Variants in TRAPPC9 observed in about 807,000 individuals in gnomAD.
TRAPPC9 encodes the protein trafficking protein particle complex subunit 9, also known as IKK2 binding protein.
Under a neutral mutation model 124.0 loss-of-function variants are expected in TRAPPC9, and 83 were observed. The ratio of observed to expected loss-of-function variants is 0.67; its 90% confidence interval spans 0.56 to 0.80. TRAPPC9 has a LOEUF of 0.80. TRAPPC9 is among the 30% of genes least tolerant of loss of function. The pLI, the probability that TRAPPC9 is intolerant of heterozygous loss-of-function variation, is 0.00. For missense variants in TRAPPC9, 1,302 were observed against 1,508.3 expected (o/e 0.86, Z 2.27); for synonymous variants, 638 against 617.5 (o/e 1.03, Z -0.49).
At chr8:139,926,860 T>C (rs1832849850) in intron 19 of TRAPPC9, among the ~76,000 whole-genome samples, 1 of 152,068 alleles carries the variant, frequency 6.6e-6, no homozygotes, top group Non-Finnish European at 1.5e-5. Flanking sequence ...ATGTAAAACT[T>C]TTGATATTCA....
At chr8:140,430,935 C>T (rs937755227) in intron 4 of TRAPPC9, among the ~76,000 whole-genome samples, 7 of 152,132 alleles carry the variant, frequency 4.6e-5, no homozygotes, top group South Asian at 2.1e-4. Context: ...CCACCATGCC[C>T]GGCAGAGAAT....
At chr8:140,313,352 A>G (rs975044519) in intron 9 of TRAPPC9, among the ~76,000 whole-genome samples, 36 of 152,162 alleles carry the variant, frequency 2.4e-4, no homozygotes, top group African/African-American at 7.5e-4. Context: ...GTGGTGCCTC[A>G]TGCCACTTGC....
At chr8:139,748,273 G>A (rs1246992442) in intron 21 of TRAPPC9, among the ~76,000 whole-genome samples, 4 of 96,000 alleles carry the variant, frequency 4.2e-5, no homozygotes, top group African/African-American at 1.9e-4. Context: ...GGCATACAGG[G>A]GTCAGAGTGG....
chr8:139,773,239 C>T (rs1242527853), intron 21 of TRAPPC9, among the ~76,000 whole-genome samples: 2 of 152,232 alleles, frequency 1.3e-5, no homozygotes, highest in Admixed American at 6.5e-5. Context: ...TGTCCCTCCT[C>T]GTGCCGATGG....
At chr8:140,388,801 T>C (rs2068832770) in intron 7 of TRAPPC9, among the ~76,000 whole-genome samples, 1 of 138,496 alleles carries the variant, frequency 7.2e-6, no homozygotes, top group African/African-American at 2.7e-5. Context: ...TGAGCAGAGA[T>C]GGCGCCATTG....
chr8:140,239,049 C>T (rs1055868039), intron 16 of TRAPPC9, among the ~76,000 whole-genome samples: 1 of 152,140 alleles, frequency 6.6e-6, no homozygotes, highest in African/African-American at 2.4e-5. Flanking sequence ...GGGAGCAGGC[C>T]CCGGAGAAAG....
chr8:139,920,153 C>A (rs1464493892), intron 19 of TRAPPC9, among the ~76,000 whole-genome samples: 1 of 152,170 alleles, frequency 6.6e-6, no homozygotes, highest in East Asian at 1.9e-4. Flanking sequence ...CGAGACCAGC[C>A]TGGCCAACAC....
At chr8:139,740,781 C>T (rs193242276) in intron 21 of TRAPPC9, among the ~76,000 whole-genome samples, 13 of 152,334 alleles carry the variant, frequency 8.5e-5, no homozygotes, top group African/African-American at 2.6e-4. Flanking sequence ...GGGGCAGACC[C>T]GTCCTTCGGC....
chr8:140,323,793 A>G (rs1037605324), intron 9 of TRAPPC9, among the ~76,000 whole-genome samples: 1 of 152,198 alleles, frequency 6.6e-6, no homozygotes, highest in African/African-American at 2.4e-5. Context: ...AAACAAATAC[A>G]AGATGGTAGA....
At chr8:139,923,041 G>A (rs1162059491) in intron 19 of TRAPPC9, among the ~76,000 whole-genome samples, 1 of 151,460 alleles carries the variant, frequency 6.6e-6, no homozygotes, top group Non-Finnish European at 1.5e-5. Context: ...AACAGCTTTT[G>A]TAGAAGAGCT....
intron 17 of TRAPPC9, among the ~76,000 whole-genome samples, chr8:140,195,511 A>G (rs1419667504): frequency 1.3e-5 from 2 of 151,848 alleles, no homozygotes; most frequent in East Asian, 3.9e-4. Flanking sequence ...TGTGACACTA[A>G]AACACACTCA....
At chr8:140,337,467 G>A (rs193264040) in intron 9 of TRAPPC9, among the ~76,000 whole-genome samples, 124 of 152,296 alleles carry the variant, frequency 8.1e-4, no homozygotes, top group Non-Finnish European at 1.1e-3. Context: ...AATTAATCAA[G>A]CTTGAGCAGG....
At chr8:140,387,105 G>T (rs1438635882) in intron 7 of TRAPPC9, among the ~76,000 whole-genome samples, 5 of 152,102 alleles carry the variant, frequency 3.3e-5, no homozygotes, top group African/African-American at 1.2e-4. Context: ...GGGAAAACTG[G>T]CCAGCCATAT....
intron 18 of TRAPPC9, among the ~76,000 whole-genome samples, chr8:140,008,077 C>T (rs1467014501): frequency 6.6e-6 from 1 of 152,258 alleles, no homozygotes; most frequent in East Asian, 1.9e-4. Context: ...CTCCTGCCCT[C>T]CACAGAGCTA....
intron 17 of TRAPPC9, among the ~76,000 whole-genome samples, chr8:140,211,102 G>A (rs910831352): frequency 1.3e-5 from 2 of 151,762 alleles, no homozygotes; most frequent in African/African-American, 2.4e-5. Flanking sequence ...TTATTAAAAT[G>A]TAAAAGTTAG....
chr8:139,951,438 G>A (rs374252988), intron 19 of TRAPPC9, among the ~76,000 whole-genome samples: 48 of 152,310 alleles, frequency 3.2e-4, no homozygotes, highest in African/African-American at 9.9e-4. Context: ...CCACCATCCC[G>A]GCCTTTGCCA....
At chr8:139,969,687 C>T (rs1031010937) in intron 19 of TRAPPC9, among the ~76,000 whole-genome samples, 4 of 152,172 alleles carry the variant, frequency 2.6e-5, no homozygotes, top group African/African-American at 9.7e-5. Flanking sequence ...AGTGGGATGC[C>T]GTGGAATGCT....
chr8:140,348,067 A>G (rs1242737526), intron 9 of TRAPPC9, among the ~76,000 whole-genome samples: 1 of 152,254 alleles, frequency 6.6e-6, no homozygotes, highest in Non-Finnish European at 1.5e-5. Context: ...TCAGATGACA[A>G]CTGAACAAAA....
chr8:140,098,679 C>G (rs1428670121), intron 17 of TRAPPC9: 1 of 151,612 alleles, frequency 6.6e-6, no homozygotes, highest in Admixed American at 6.6e-5. Flanking sequence ...AAAGTAACGA[C>G]GCCTCCTCCC....
Sources: allele counts gnomAD v4.1 joint callset (sites outside exome capture counted in the v4.1 genomes callset), GRCh38; gene constraint gnomAD v4.1.1; transcripts MANE v1.5; gene names NCBI Gene and HGNC (gene_info 2026-07-23, HGNC 2026-07-21).